Variants in RAB5A observed in about 807,000 individuals in gnomAD.
The protein encoded by RAB5A is RAB5A, member RAS oncogene family, also known as ras-related protein Rab-5A.
RAB5A carries 8 observed loss-of-function variants against 25.7 expected under a neutral mutation model. That is an observed-to-expected ratio of 0.31 (90% CI 0.18 to 0.56). RAB5A has a LOEUF of 0.56. Ranked by LOEUF, RAB5A falls within the 20% of genes least tolerant of loss-of-function variation. The pLI is 0.91. For synonymous variants in RAB5A, 98 were observed against 89.8 expected (o/e 1.09, Z -0.52); for missense variants, 192 against 259.7 (o/e 0.74, Z 1.79).
chr3:19,967,867 C>T (rs975825422), intron 2 of RAB5A, among the ~76,000 whole-genome samples: 15 of 152,154 alleles, frequency 9.9e-5, no homozygotes, highest in Non-Finnish European at 1.9e-4. Flanking sequence ...TCACTGGGTG[C>T]TTCCTGTATA....
intron 2 of RAB5A, among the ~76,000 whole-genome samples, chr3:19,966,666 C>T (rs995013982): frequency 7.9e-5 from 12 of 152,154 alleles, no homozygotes; most frequent in African/African-American, 2.9e-4. Flanking sequence ...CATGATCACC[C>T]ACACTTTACC....
rs368096662 is a variant in RAB5A at position 19,983,781 on chromosome 3, C to T, written c.606C>T (p.Thr202=). The T allele has an allele frequency of 4.3e-6, 7 of 1,611,954 alleles. No homozygotes were observed. The highest frequency in any genetic ancestry group is 1.7e-5 in the Admixed American group (1 of 59,972). Residue 202 remains threonine (T), a synonymous_variant, in exon 6 of 6, where the codon ACC becomes ACT. Transcript: ENST00000273047. The part of the protein sequence containing the change: ...NSARGRGVDL[T]EPTQPTRNQC... Reference sequence around the variant, plus strand: ...CCAGAGGAAGAGGAGTAGACCTTACCGAACCCACACAACCAACCAGGAATC... The same window carrying T: ...CCAGAGGAAGAGGAGTAGACCTTACTGAACCCACACAACCAACCAGGAATC...
chr3:19,978,388 A>G lies in RAB5A; in HGVS notation c.517A>G (p.Ile173Val). The G allele has an allele frequency of 6.3e-7, 1 of 1,587,564 alleles. No homozygotes were observed. Among genetic ancestry groups the G allele is most frequent in the Non-Finnish European group, 8.6e-7 (1 of 1,156,140 alleles). The change falls in exon 5 of 6, where the codon ATA (isoleucine) becomes GTA (valine). Residue 173 changes from isoleucine (I) to valine (V), a missense_variant. This residue lies in a region of RAB5A where 121 missense variants were observed against 135.7 expected (regional missense o/e 0.89). Transcript: ENST00000273047. The part of the protein sequence containing the change: ...SAKTSMNVNE[I>V]FMAIAKKLPK... ...TAAAACATCAATGAATGTAAATGAA[A>G]TATTCATGGCAATAGGTAAGATTAA...
intron 2 of RAB5A, among the ~76,000 whole-genome samples, chr3:19,963,309 G>C (rs1443250127): frequency 1.5e-5 from 2 of 134,134 alleles, no homozygotes; most frequent in African/African-American, 5.7e-5. Flanking sequence ...TTTAATGTTT[G>C]CTTTTTTGTT....
chr3:19,967,376 C>G (rs1696676339), intron 2 of RAB5A, among the ~76,000 whole-genome samples: 1 of 152,134 alleles, frequency 6.6e-6, no homozygotes, highest in African/African-American at 2.4e-5. Context: ...AACTCCTGAC[C>G]TCGGGTGATC....
Position 19,957,418 on chromosome 3 carries a change from A to G in RAB5A, c.163+6357A>G, listed in dbSNP as rs367801888. On this transcript the variant is annotated intron_variant, in intron 2 of 5. Coordinates refer to ENST00000273047, the MANE Select transcript of RAB5A (RefSeq NM_004162.5). ...TGCATGGCTCATGCCTGTAATCCCA[A>G]CACTTTGGGAGGCCAAAGTGGTCAG... Among the ~76,000 whole-genome samples, 25 of 152,040 alleles carry G rather than the reference A, an allele frequency of 1.6e-4. No homozygotes were observed. In the South Asian group the frequency reaches 5.2e-3, roughly 32 times the overall value.
At chr3:19,981,001 C>T (rs1298806552) in intron 5 of RAB5A, among the ~76,000 whole-genome samples, 1 of 152,218 alleles carries the variant, frequency 6.6e-6, no homozygotes, top group East Asian at 1.9e-4. Flanking sequence ...TATTCAATTT[C>T]TGAGTAACCT....
intron 1 of RAB5A, among the ~76,000 whole-genome samples, chr3:19,949,685 A>G (rs1019855925): frequency 2.0e-5 from 3 of 152,324 alleles, no homozygotes; most frequent in Middle Eastern, 3.4e-3. Context: ...TTCCTTAGAG[A>G]TTAAAAATTA....
At chr3:19,965,560 A>C (rs1696649409) in intron 2 of RAB5A, among the ~76,000 whole-genome samples, 1 of 151,910 alleles carries the variant, frequency 6.6e-6, no homozygotes, top group African/African-American at 2.4e-5. Flanking sequence ...AAAAGCATTG[A>C]CTTCTCAATA....
rs1443505953 is a variant in RAB5A, at chr3:19,950,857, C to T, written c.-42C>T. ...ATTGGCCCCTTGAATTCTGGAAGTT[C>T]ATTGAAGAGTCTGAAATTAGGGACT... On this transcript the variant is annotated 5_prime_UTR_variant, in exon 2 of 6. Coordinates refer to ENST00000273047, the MANE Select transcript of RAB5A (RefSeq NM_004162.5). 5 of 1,573,914 alleles carry T rather than the reference C, an allele frequency of 3.2e-6. No homozygotes were observed. In the Admixed American group the frequency reaches 8.8e-5, roughly 28 times the overall value.
intron 2 of RAB5A, among the ~76,000 whole-genome samples, chr3:19,971,541 A>G (rs1007242115): frequency 2.6e-5 from 4 of 152,024 alleles, no homozygotes; most frequent in African/African-American, 9.7e-5. Flanking sequence ...GCACAATCTC[A>G]GCTCACTGCA....
intron 2 of RAB5A, among the ~76,000 whole-genome samples, chr3:19,973,379 T>C (rs1696778864): frequency 7.6e-6 from 1 of 132,094 alleles, no homozygotes; most frequent in Non-Finnish European, 1.7e-5. Flanking sequence ...ACATTTTAAT[T>C]CCTTTTTTTT....
intron 2 of RAB5A, among the ~76,000 whole-genome samples, chr3:19,969,045 G>GTTTTTTTTTTTTTTTT (rs386396075): frequency 9.7e-5 from 10 of 103,446 alleles, no homozygotes; most frequent in South Asian, 2.6e-4. Context: ...TTTTTTTTTG[G>GTTTTTTTTTTTTTTTT]TTTTTTTTTT....
intron 5 of RAB5A, among the ~76,000 whole-genome samples, chr3:19,983,345 C>CA (rs34872300): frequency 0.15 from 14,003 of 91,864 alleles, 1,259 homozygotes; most frequent in Middle Eastern, 0.23. Context: ...GACTACATCT[C>CA]AAAAAAAAAA....
chr3:19,970,748 G>A, intron 2 of RAB5A: 1 of 333,652 alleles, frequency 3.0e-6, no homozygotes, highest in South Asian at 2.3e-5. Context: ...TGTTGCTACA[G>A]TATTGATGTA....
intron 2 of RAB5A, among the ~76,000 whole-genome samples, chr3:19,964,279 A>C (rs1430139509): frequency 6.6e-6 from 1 of 152,204 alleles, no homozygotes; most frequent in Non-Finnish European, 1.5e-5. Context: ...ATCTGTATCT[A>C]TATATCCCTT....
intron 2 of RAB5A, among the ~76,000 whole-genome samples, chr3:19,953,354 G>A (rs1282896840): frequency 2.7e-5 from 4 of 150,536 alleles, no homozygotes; most frequent in African/African-American, 9.8e-5. Context: ...TCATTTCTAT[G>A]TGTAGAGCTT....
chr3:19,982,609 G>A lies in RAB5A; in HGVS notation c.533-1099G>A, dbSNP rs1696950640. Among the ~76,000 whole-genome samples the A allele has an allele frequency of 3.9e-5, 6 of 152,160 alleles. No individual in the cohort carries two copies. In the South Asian group the frequency reaches 1.0e-3, roughly 26 times the overall value. On this transcript the variant is annotated intron_variant, in intron 5 of 5. Transcript: ENST00000273047. The stretch of plus-strand genomic sequence containing the variant: ...TCATGCTTGCAGTCCCAGCACGTGG[G>A]AGTCTGAGGCGGAAGAGTTGCTTGA...
intron 2 of RAB5A, among the ~76,000 whole-genome samples, chr3:19,966,944 T>C (rs1696670333): frequency 6.6e-6 from 1 of 152,128 alleles, no homozygotes; most frequent in Non-Finnish European, 1.5e-5. Flanking sequence ...GTCCAGCGCA[T>C]ACCCCCATGC....
Sources: allele counts gnomAD v4.1 joint callset (sites outside exome capture counted in the v4.1 genomes callset), GRCh38; gene constraint gnomAD v4.1.1; regional missense constraint gnomAD v4.1.1; transcripts MANE v1.5; gene names NCBI Gene and HGNC (gene_info 2026-07-23, HGNC 2026-07-21).